SLC38A10: variants seen among roughly 807,000 people sequenced by gnomAD.
SLC38A10 encodes solute carrier family 38 member 10.
In SLC38A10, 53 loss-of-function variants were observed where a neutral mutation model predicts 81.0. The observed-to-expected ratio is 0.65, with a 90% CI of 0.53 to 0.82. The LOEUF (loss-of-function observed/expected upper bound fraction) is 0.82, where lower values mean the gene tolerates loss of function less well. SLC38A10 is among the 40% of genes least tolerant of loss of function. The pLI is 0.00. For synonymous variants in SLC38A10, 665 were observed against 655.3 expected (o/e 1.01, Z -0.23); for missense variants, 1,471 against 1,545.0 (o/e 0.95, Z 0.80).
At chr17:81,292,163 T>C (rs914133507) in intron 1 of SLC38A10, among the ~76,000 whole-genome samples, 2 of 152,270 alleles carry the variant, frequency 1.3e-5, no homozygotes, top group Non-Finnish European at 2.9e-5. Flanking sequence ...AGTCTCACTC[T>C]GTTGCCCAGG....
At chr17:81,252,707 G>C (rs752355490) in intron 12 of SLC38A10, 24 bp from the exon 13 acceptor site, 42 of 1,567,764 alleles carry the variant, frequency 2.7e-5, no homozygotes, top group Non-Finnish European at 3.5e-5. Context: ...GGGGACAGAT[G>C]GGGTCAGGCT....
chr17:81,251,034 G>A (rs776731292), intron 14 of SLC38A10: 683 of 1,428,326 alleles, frequency 4.8e-4, no homozygotes, highest in Non-Finnish European at 5.9e-4. Context: ...GGACCAGGGC[G>A]GGCACAGCCA....
At chr17:81,246,796 A>G in intron 15 of SLC38A10, 89 bp downstream of exon 15, 1 of 1,510,976 alleles carries the variant, frequency 6.6e-7, no homozygotes, top group Non-Finnish European at 8.9e-7. Context: ...TCAGGTCTAG[A>G]GGCCACCGAG....
At chr17:81,251,261 C>T (rs763425404) in intron 14 of SLC38A10, 13 of 1,471,274 alleles carry the variant, frequency 8.8e-6, no homozygotes, top group East Asian at 6.7e-5. Flanking sequence ...AGCCATGTGA[C>T]GATGCCGCAG....
intron 11 of SLC38A10, among the ~76,000 whole-genome samples, chr17:81,256,024 A>G (rs934412777): frequency 6.6e-6 from 1 of 151,890 alleles, no homozygotes; most frequent in Non-Finnish European, 1.5e-5. Flanking sequence ...ACGACCCGTG[A>G]CCATCATTGG....
At chr17:81,280,093 T>C (rs111776343) in intron 6 of SLC38A10, 1 of 445,866 alleles carries the variant, frequency 2.2e-6, no homozygotes, top group Non-Finnish European at 4.6e-6. Flanking sequence ...TCACTCGCTC[T>C]TGTCATTTTG....
chr17:81,249,456 G>GAGGAGGGAGA (rs767208138), intron 14 of SLC38A10, among the ~76,000 whole-genome samples: 2 of 406 alleles, frequency 4.9e-3, no homozygotes, highest in Non-Finnish European at 0.012. Context: ...AGGGAGGGAA[G>GAGGAGGGAGA]AGGAGGGAGG....
chr17:81,247,616 A>G (rs2146876903), intron 14 of SLC38A10: 1 of 151,698 alleles, frequency 6.6e-6, no homozygotes, highest in African/African-American at 2.4e-5. Context: ...GCTTGAGCCC[A>G]GGAGTTAGAG....
intron 10 of SLC38A10, chr17:81,263,667 GCTTTC>G (rs1193796856): frequency 6.6e-6 from 1 of 152,316 alleles, no homozygotes; most frequent in Non-Finnish European, 1.5e-5. Flanking sequence ...ACATGCCCAG[GCTTTC>G]CTTTAAGACA....
chr17:81,252,805 C>T (rs2062932439), intron 12 of SLC38A10, 122 bp from the exon 13 acceptor site: 1 of 1,407,822 alleles, frequency 7.1e-7, no homozygotes, highest in Non-Finnish European at 9.4e-7. Context: ...CCAACAGATA[C>T]CACCTCCCCT....
In SLC38A10 at chr17:81,251,547, C is replaced by G. The variant is rs759579645; in HGVS notation, c.2011G>C (p.Glu671Gln). ...PGPGLPPEPR[E>Q]QRDVERAGGN... Reference sequence around the variant, plus strand: ...CCCGCTCGCTCCACGTCCCTCTGCTCGCGAGGCTCGGGCGGCAGCCCAGGC... The same window carrying G: ...CCCGCTCGCTCCACGTCCCTCTGCTGGCGAGGCTCGGGCGGCAGCCCAGGC... The change falls in exon 14 of 16, where the codon GAG (glutamate) becomes CAG (glutamine). Residue 671 changes from glutamate (E) to glutamine (Q), a missense_variant. Transcript: ENST00000374759. 6.5e-7 allele frequency: 1 copy of G among 1,528,028 alleles called. No homozygotes were observed. The highest frequency in any genetic ancestry group is 8.8e-7 in the Non-Finnish European group (1 of 1,142,016). 94.7% of individuals were successfully genotyped at this position (1,528,028 alleles called of 1,614,324 possible).
chr17:81,251,815 C>T (rs759738417), intron 13 of SLC38A10: 38 of 570,176 alleles, frequency 6.7e-5, no homozygotes, highest in Non-Finnish European at 9.5e-5. Flanking sequence ...AGGCTTGTGG[C>T]AATGAGCCAA....
chr17:81,291,485 T>G lies in SLC38A10; in HGVS notation c.100-1677A>C, dbSNP rs1469689449. Among the ~76,000 whole-genome samples, 78 of 94,218 alleles carry G rather than the reference T, an allele frequency of 8.3e-4. 1 individual carries two copies. Among genetic ancestry groups the G allele is most frequent in the Non-Finnish European group, 3.0e-4 (15 of 49,446 alleles). 61.8% of individuals were successfully genotyped at this position (94,218 alleles called of 152,430 possible). ...CTGGGTGACAGAGTAAGACTCCATC[T>G]CAAAAAAAAAAAAAAAAAGTAAGTC... is the stretch of plus-strand genomic sequence containing the variant. On this transcript the variant is annotated intron_variant, in intron 1 of 15. Transcript: ENST00000374759.
Position 81,277,184 on chromosome 17 carries a change from C to G in SLC38A10, c.627-51G>C, listed in dbSNP as rs1387748422. The stretch of plus-strand genomic sequence containing the variant: ...GCGGACCTGAGAGAGGCACGCCCTC[C>G]CCAGCGGCTCCACTTCTAGGACCTC... On this transcript the variant is annotated intron_variant, in intron 6 of 15. Transcript: ENST00000374759. This position sits in a 1 kb window ranked among gnomAD's most constrained non-coding sequence, Gnocchi z 4.5. 6.5e-7 allele frequency: 1 copy of G among 1,538,372 alleles called. No individual in the cohort carries two copies. Among genetic ancestry groups the G allele is most frequent in the African/African-American group, 1.4e-5 (1 of 73,560 alleles).
At chr17:81,291,926 G>A (rs2063313791) in intron 1 of SLC38A10, among the ~76,000 whole-genome samples, 2 of 152,200 alleles carry the variant, frequency 1.3e-5, no homozygotes, top group Admixed American at 1.3e-4. Context: ...GGTCAGCAGT[G>A]TGCCCCGGGT....
intron 11 of SLC38A10, among the ~76,000 whole-genome samples, chr17:81,258,102 C>A (rs941360918): frequency 5.3e-5 from 8 of 152,200 alleles, no homozygotes; most frequent in Non-Finnish European, 5.9e-5. Flanking sequence ...CGTCTAACCA[C>A]GACACATGAC....
At chr17:81,268,849 G>A (rs527683736) in intron 10 of SLC38A10, among the ~76,000 whole-genome samples, 1 of 152,232 alleles carries the variant, frequency 6.6e-6, no homozygotes, top group Admixed American at 6.5e-5. Context: ...TTCACAGACT[G>A]AATAAGAACA....
rs766434779 is a variant in SLC38A10 at position 81,253,035 on chromosome 17, G to A, written c.1456+38C>T. The A allele has an allele frequency of 2.4e-5, 39 of 1,601,034 alleles. No homozygotes were observed. In the South Asian group the frequency reaches 3.3e-4, roughly 14 times the overall value. Reference sequence around the variant, plus strand: ...AGCCTGCAAAGGAGGACCCGGGGCCGCCCTTCCCCATCCGCACCCCCAGCC... The same window carrying A: ...AGCCTGCAAAGGAGGACCCGGGGCCACCCTTCCCCATCCGCACCCCCAGCC... On this transcript the variant is annotated intron_variant, in intron 12 of 15. Transcript: ENST00000374759. The surrounding 1 kb of genome is among the most constrained non-coding windows in gnomAD (Gnocchi z 4.1).
chr17:81,252,075 A>T, intron 13 of SLC38A10, 120 bp downstream of exon 13: 1 of 1,392,624 alleles, frequency 7.2e-7, no homozygotes, highest in East Asian at 2.4e-5. Context: ...TTGCATGCTA[A>T]TCTGGTGCAG....
Sources: allele counts gnomAD v4.1 joint callset (sites outside exome capture counted in the v4.1 genomes callset), GRCh38; gene constraint gnomAD v4.1.1; non-coding constraint Gnocchi (gnomAD v3.1); transcripts MANE v1.5; gene names NCBI Gene and HGNC (gene_info 2026-07-23, HGNC 2026-07-21).